Variants in R3HDM1 observed in about 807,000 individuals in gnomAD.
R3HDM1 encodes the protein R3H domain containing 1.
A neutral mutation model predicts 141.1 loss-of-function variants in R3HDM1; 46 were observed. That is an observed-to-expected ratio of 0.33 (90% CI 0.26 to 0.42). The LOEUF (loss-of-function observed/expected upper bound fraction) is 0.42, where lower values mean the gene tolerates loss of function less well. Ranked by LOEUF, R3HDM1 falls within the 10% of genes least tolerant of loss-of-function variation. R3HDM1 has a pLI of 1.00. For synonymous variants in R3HDM1, 435 were observed against 472.9 expected, an observed-to-expected ratio of 0.92 and a Z score of 1.04; for missense variants, 1,184 against 1,368.3, an observed-to-expected ratio of 0.87 and a Z score of 2.12.
Position 135,560,308 on chromosome 2 carries a change from C to T in R3HDM1, c.-250+28675C>T, listed in dbSNP as rs918463330. On this transcript the variant is annotated intron_variant, in intron 1 of 26. Transcript: ENST00000683871. ...CTAACTCAAACATGAAGCATTTTTA[C>T]TTTACCACAATCTATGATATTTTGA... 7.2e-5 allele frequency among the ~76,000 whole-genome samples: 11 copies of T among 152,148 alleles called. No individual in the cohort carries two copies. The South Asian group carries it at 1.2e-3, about 17-fold the overall frequency.
intron 1 of R3HDM1, chr2:135,566,069 A>G (rs907315720): frequency 1.3e-5 from 2 of 152,206 alleles, no homozygotes; most frequent in Admixed American, 6.5e-5. Context: ...CTCTCCCAAC[A>G]CTCAGCTTTT....
intron 2 of R3HDM1, among the ~76,000 whole-genome samples, chr2:135,604,373 T>G (rs1489632784): frequency 6.6e-6 from 1 of 152,224 alleles, no homozygotes; most frequent in African/African-American, 2.4e-5. Context: ...CCTTCTACCT[T>G]GATCTGGCTC....
Position 135,644,424 on chromosome 2 carries a change from A to AC in R3HDM1, c.1475-952dup, listed in dbSNP as rs564229645. The stretch of plus-strand genomic sequence containing the variant: ...AGGCTGAGGCAGGAGAATTGCTTGA[A>AC]CCCGGGGGAGGCTGAGGTTGCAGTC... On this transcript the variant is annotated intron_variant, in intron 15 of 26. Transcript: ENST00000683871. 1.1e-4 allele frequency among the ~76,000 whole-genome samples: 16 copies of AC among 151,956 alleles called. No individual in the cohort carries two copies. The South Asian group carries it at 2.9e-3, about 28-fold the overall frequency.
In R3HDM1 at chr2:135,710,228, C is replaced by G. The variant is rs765177454; in HGVS notation, c.2733C>G (p.Val911=). The G allele has an allele frequency of 6.2e-7, 1 of 1,611,960 alleles. No homozygotes were observed. Among genetic ancestry groups the G allele is most frequent in the Admixed American group, 1.7e-5 (1 of 59,738 alleles). The part of the protein sequence containing the change: ...CVEFSSVDNI[V]QHSPQLSSPI... ...AATTTAGCAGTGTAGACAATATTGTCCAGGTAAGATGGTTTTGTTCATTAT... is the reference window on the plus strand; with the variant it reads ...AATTTAGCAGTGTAGACAATATTGTGCAGGTAAGATGGTTTTGTTCATTAT... Residue 911 remains valine (V), a synonymous_variant, in exon 23 of 27, where the codon GTC becomes GTG. Coordinates refer to ENST00000683871, the MANE Select transcript of R3HDM1 (RefSeq NM_001378107.1).
intron 1 of R3HDM1, among the ~76,000 whole-genome samples, chr2:135,542,265 G>T (rs1028627599): frequency 2.6e-5 from 4 of 152,104 alleles, no homozygotes; most frequent in African/African-American, 9.7e-5. Flanking sequence ...TACTAAGGGG[G>T]AAAAGTACCT....
chr2:135,575,648 GCAGT>G (rs1268261092), intron 1 of R3HDM1, among the ~76,000 whole-genome samples: 2 of 152,280 alleles, frequency 1.3e-5, no homozygotes, highest in Middle Eastern at 3.4e-3. Context: ...TAGCCAGTTA[GCAGT>G]CAGTCACAAT....
chr2:135,676,780 C>G (rs1044444374), intron 20 of R3HDM1, among the ~76,000 whole-genome samples: 1 of 152,102 alleles, frequency 6.6e-6, no homozygotes, highest in African/African-American at 2.4e-5. Context: ...CACTGCATTC[C>G]GGGCTAGGTG....
At position 135,651,855 on chromosome 2, in the gene R3HDM1, T is replaced by C. The variant is rs754237863; in HGVS notation, c.1851T>C (p.Gly617=). ...TTCTTCAGTCTCCACAGCAGTCTGG[T>C]TATATCATGACAGCAGCCCCTCCAC... ...TVVLQSPQQS[G]YIMTAAPPPH... Residue 617 remains glycine (G), a synonymous_variant, in exon 18 of 27, where the codon GGT becomes GGC. Coordinates refer to ENST00000683871, the MANE Select transcript of R3HDM1 (RefSeq NM_001378107.1). The C allele has an allele frequency of 2.2e-5, 35 of 1,613,886 alleles. No homozygotes were observed. Among genetic ancestry groups the C allele is most frequent in the Non-Finnish European group, 2.8e-5 (33 of 1,180,008 alleles).
chr2:135,707,010 A>ACCC (rs1254964272), intron 21 of R3HDM1, among the ~76,000 whole-genome samples: 1 of 149,424 alleles, frequency 6.7e-6, no homozygotes, highest in Non-Finnish European at 1.5e-5. Flanking sequence ...CGGGGGGCTG[A>ACCC]CCCCCCCACC....
intron 1 of R3HDM1, among the ~76,000 whole-genome samples, chr2:135,563,200 T>A (rs140828031): frequency 7.0e-4 from 106 of 152,374 alleles, no homozygotes; most frequent in African/African-American, 2.4e-3. Context: ...GGGGAATAAA[T>A]GCGTGCATGT....
Position 135,652,161 on chromosome 2 carries a change from C to T in R3HDM1, c.2028+129C>T, listed in dbSNP as rs1424744676. 3.0e-6 allele frequency: 4 copies of T among 1,331,024 alleles called. No homozygotes were observed. In the African/African-American group the frequency reaches 5.9e-5, roughly 20 times the overall value. 82.5% of individuals were successfully genotyped at this position (1,331,024 alleles called of 1,614,324 possible). A position where few individuals can be genotyped will look rare whatever the true frequency, so the allele number is the denominator to read the frequency against. ...AGAGTATATAAACAAAGCATATACT[C>T]ATCTTTCCGCCTCTGGAGATTTTCA... On this transcript the variant is annotated intron_variant, in intron 18 of 26. Coordinates refer to ENST00000683871, the MANE Select transcript of R3HDM1 (RefSeq NM_001378107.1).
intron 18 of R3HDM1, among the ~76,000 whole-genome samples, chr2:135,660,798 A>T (rs1296804195): frequency 6.6e-6 from 1 of 151,278 alleles, no homozygotes; most frequent in Non-Finnish European, 1.5e-5. Flanking sequence ...GTGAGCCAAG[A>T]TGGCAGCACT....
intron 21 of R3HDM1, among the ~76,000 whole-genome samples, chr2:135,705,091 C>T (rs2117511): frequency 0.71 from 108,606 of 152,062 alleles, 42,193 homozygotes; most frequent in Non-Finnish European, 0.89. Flanking sequence ...GTACTGACTC[C>T]GCTTTACTGT....
In R3HDM1 at chr2:135,652,042, T is replaced by C. The variant is rs1282422128; in HGVS notation, c.2028+10T>C. ...GCAGCCATCACCACAGGTATATTGCTTTTTAACCTTTTCTTTCTTGTGGAA... is the reference window on the plus strand; with the variant it reads ...GCAGCCATCACCACAGGTATATTGCCTTTTAACCTTTTCTTTCTTGTGGAA... On this transcript the variant is annotated intron_variant, in intron 18 of 26. Transcript: ENST00000683871. The C allele has an allele frequency of 1.3e-6, 2 of 1,536,600 alleles. No homozygotes were observed. Among genetic ancestry groups the C allele is most frequent in the Non-Finnish European group, 1.8e-6 (2 of 1,139,004 alleles).
intron 1 of R3HDM1, 186 bp downstream of exon 1, chr2:135,531,819 T>C (rs1694789339): frequency 2.0e-6 from 2 of 985,312 alleles, no homozygotes; most frequent in Non-Finnish European, 2.4e-6. Context: ...GACGTCCCGC[T>C]GCTGCCAGCC....
At chr2:135,699,040 TAGATAAG>T in intron 21 of R3HDM1, among the ~76,000 whole-genome samples, 1 of 113,858 alleles carries the variant, frequency 8.8e-6, no homozygotes, top group African/African-American at 3.1e-5. Flanking sequence ...GATAGATAGA[TAGATAAG>T]ATAGATAAGA....
At chr2:135,605,084 C>T (rs1307987309) in intron 3 of R3HDM1, 68 bp downstream of exon 3, 2 of 1,308,630 alleles carry the variant, frequency 1.5e-6, no homozygotes, top group Non-Finnish European at 2.1e-6. Context: ...TATTTTCATA[C>T]AAAACTCACT....
intron 21 of R3HDM1, among the ~76,000 whole-genome samples, chr2:135,684,563 A>G (rs2071004213): frequency 6.6e-6 from 1 of 152,208 alleles, no homozygotes; most frequent in African/African-American, 2.4e-5. Flanking sequence ...GTGAAGCAAT[A>G]CAGAGATGTG....
intron 9 of R3HDM1, among the ~76,000 whole-genome samples, chr2:135,634,503 G>A (rs1193838453): frequency 1.3e-5 from 2 of 152,036 alleles, no homozygotes; most frequent in African/African-American, 4.8e-5. Flanking sequence ...AATTAGCTGG[G>A]CATGGTGGCA....
Sources: gnomAD v4.1 joint callset for allele counts (sites outside exome capture counted in the v4.1 genomes callset) on GRCh38, gnomAD v4.1.1 for gene constraint, MANE v1.5 for transcripts, NCBI Gene and HGNC (gene_info 2026-07-23, HGNC 2026-07-21) for gene names.